The following SKIC3 variants were observed in gnomAD, a reference collection of about 807,000 sequenced individuals.
SKIC3 encodes superkiller complex protein 3.
the SKIC3 span, chr5:95,468,043 T>G: frequency 6.2e-7 from 1 of 1,600,394 alleles, no homozygotes; most frequent in Non-Finnish European, 8.5e-7. Context: ...CCATAAGATA[T>G]TTCCTATACT....
chr5:95,464,480 T>C, the SKIC3 span: 4 of 722,888 alleles, frequency 5.5e-6, no homozygotes, highest in East Asian at 1.2e-4. Flanking sequence ...AAACTTCAAC[T>C]TCTCTAGATT....
chr5:95,484,340 C>G, the SKIC3 span, among the ~76,000 whole-genome samples: 1 of 119,930 alleles, frequency 8.3e-6, no homozygotes, highest in Admixed American at 8.8e-5. Flanking sequence ...ATGCATTCCT[C>G]TTTTTTTTTT....
the SKIC3 span, chr5:95,503,865 C>A: frequency 6.2e-7 from 1 of 1,613,968 alleles, no homozygotes; most frequent in Non-Finnish European, 8.5e-7. Context: ...AATGCAAAAC[C>A]TATGATGTCT....
chr5:95,508,154 G>A, the SKIC3 span, among the ~76,000 whole-genome samples: 12 of 152,078 alleles, frequency 7.9e-5, no homozygotes, highest in Non-Finnish European at 1.5e-4. Context: ...ACCATCTAGT[G>A]ATTACTCCTT....
the SKIC3 span, chr5:95,523,078 A>G: frequency 7.6e-7 from 1 of 1,311,944 alleles, no homozygotes; most frequent in Non-Finnish European, 1.1e-6. Context: ...AACACCAATC[A>G]ATCATAAAGT....
chr5:95,472,790 G>A, the SKIC3 span, among the ~76,000 whole-genome samples: 3 of 152,154 alleles, frequency 2.0e-5, no homozygotes, highest in Non-Finnish European at 4.4e-5. Flanking sequence ...CACAGTGTCT[G>A]TTGTTCCCAT....
At chr5:95,489,032 A>G in the SKIC3 span, among the ~76,000 whole-genome samples, 121 of 152,264 alleles carry the variant, frequency 7.9e-4, no homozygotes, top group African/African-American at 2.8e-3. Flanking sequence ...CACAACACAT[A>G]TAGGCTGGAT....
chr5:95,482,483 G>A, the SKIC3 span: 6 of 1,613,948 alleles, frequency 3.7e-6, no homozygotes, highest in Non-Finnish European at 5.1e-6. Flanking sequence ...CTGCCAAGCT[G>A]GAACAGAGGT....
the SKIC3 span, chr5:95,502,927 T>C: frequency 1.2e-6 from 2 of 1,614,098 alleles, no homozygotes; most frequent in Admixed American, 1.7e-5. Flanking sequence ...CTTGTTTATA[T>C]TCAGTTATTG....
chr5:95,492,677 A>AAAAAAAAAAAAAAAAAAAAAAAC, the SKIC3 span, among the ~76,000 whole-genome samples: 1 of 140,266 alleles, frequency 7.1e-6, no homozygotes, highest in Non-Finnish European at 1.5e-5. Flanking sequence ...AAAAAAAAAA[A>AAAAAAAAAAAAAAAAAAAAAAAC]AAAAAAAAAA....
At chr5:95,476,246 G>A in the SKIC3 span, among the ~76,000 whole-genome samples, 121 of 152,206 alleles carry the variant, frequency 7.9e-4, no homozygotes, top group Non-Finnish European at 1.6e-3. Context: ...GTTGAATGCC[G>A]CAGCCCTGGG....
chr5:95,524,239 ATG>A, the SKIC3 span, among the ~76,000 whole-genome samples: 1 of 152,204 alleles, frequency 6.6e-6, no homozygotes, highest in Admixed American at 6.6e-5. Context: ...AGAGATAATT[ATG>A]TCTCGTTTTC....
the SKIC3 span, among the ~76,000 whole-genome samples, chr5:95,549,843 C>T: frequency 6.6e-6 from 1 of 151,866 alleles, no homozygotes; most frequent in Non-Finnish European, 1.5e-5. Context: ...CTAGGTACCA[C>T]TTAAACCCAT....
the SKIC3 span, chr5:95,504,060 G>GTGCTGGGATTA: frequency 1.8e-6 from 1 of 552,666 alleles, no homozygotes; most frequent in Non-Finnish European, 2.8e-6. Flanking sequence ...TGTAATCCCA[G>GTGCTGGGATTA]CACTTTGGGA....
the SKIC3 span, among the ~76,000 whole-genome samples, chr5:95,475,751 T>TG: frequency 1.3e-5 from 2 of 152,204 alleles, no homozygotes; most frequent in Admixed American, 1.3e-4. Flanking sequence ...GAAGGTGAAC[T>TG]CTTGCACTTG....
At chr5:95,492,510 G>A in the SKIC3 span, among the ~76,000 whole-genome samples, 2 of 144,352 alleles carry the variant, frequency 1.4e-5, no homozygotes, top group Non-Finnish European at 3.1e-5. Context: ...AGTGGCGGGC[G>A]CCTGTAGTCC....
chr5:95,519,736 A>C, the SKIC3 span, among the ~76,000 whole-genome samples: 2 of 152,060 alleles, frequency 1.3e-5, no homozygotes, highest in Non-Finnish European at 2.9e-5. Flanking sequence ...TAATTGTTTT[A>C]TATGCCACCT....
At chr5:95,529,178 C>T in the SKIC3 span, 1 of 1,195,066 alleles carries the variant, frequency 8.4e-7, no homozygotes, top group Non-Finnish European at 1.2e-6. Flanking sequence ...GCCTACTCTC[C>T]AAATCAGACT....
At chr5:95,502,115 C>T in the SKIC3 span, among the ~76,000 whole-genome samples, 2 of 152,148 alleles carry the variant, frequency 1.3e-5, no homozygotes, top group Non-Finnish European at 2.9e-5. Context: ...TCCATCCCCC[C>T]ACCTTTGGAG....
Sources: gnomAD v4.1 joint callset for allele counts (sites outside exome capture counted in the v4.1 genomes callset) on GRCh38, gnomAD v4.1.1 for gene constraint, MANE v1.5 for transcripts, NCBI Gene and HGNC (gene_info 2026-07-23, HGNC 2026-07-21) for gene names.